The following RANBP2 variants were observed in gnomAD, a reference collection of about 807,000 sequenced individuals.
RANBP2 encodes the protein E3 SUMO-protein ligase RanBP2.
RANBP2 carries 57 observed loss-of-function variants against 303.6 expected under a neutral mutation model. The observed-to-expected ratio is 0.19, with a 90% CI of 0.15 to 0.23. The LOEUF (loss-of-function observed/expected upper bound fraction) is 0.23, where lower values mean the gene tolerates loss of function less well. Ranked by LOEUF, RANBP2 falls within the 10% of genes least tolerant of loss-of-function variation. RANBP2 has a pLI of 1.00. For synonymous variants in RANBP2, 1,167 were observed against 1,301.5 expected (o/e 0.90, Z 2.23); for missense variants, 3,138 against 3,780.8 (o/e 0.83, Z 4.46).
the RANBP2 span, among the ~76,000 whole-genome samples, chr2:109,318,055 T>A: frequency 6.7e-6 from 1 of 149,156 alleles, no homozygotes; most frequent in Non-Finnish European, 1.5e-5. Flanking sequence ...TGATCCTTTC[T>A]CTCCTCTGTT....
the RANBP2 span, among the ~76,000 whole-genome samples, chr2:108,967,993 C>T: frequency 3.3e-5 from 5 of 152,142 alleles, no homozygotes; most frequent in Non-Finnish European, 7.3e-5. Context: ...CAGAACAGGA[C>T]GCGTGGAGAG....
At chr2:108,786,707 C>A (rs981043892), downstream of RANBP2, 2 of 984,160 alleles carry the variant, frequency 2.0e-6, no homozygotes, top group Admixed American at 4.3e-5. Context: ...CTTTCCCTGC[C>A]GCCGTGCGTG....
the RANBP2 span, among the ~76,000 whole-genome samples, chr2:108,879,046 T>G: frequency 6.6e-6 from 1 of 152,190 alleles, no homozygotes; most frequent in South Asian, 2.1e-4. Flanking sequence ...TAAATAAATT[T>G]GAAAATCTGA....
the RANBP2 span, among the ~76,000 whole-genome samples, chr2:108,970,515 G>A: frequency 6.6e-6 from 1 of 152,076 alleles, no homozygotes; most frequent in Admixed American, 6.5e-5. Flanking sequence ...CTGGGAGCTG[G>A]GGCCTCTGGA....
chr2:109,508,348 C>T, the RANBP2 span, among the ~76,000 whole-genome samples: 3 of 152,074 alleles, frequency 2.0e-5, no homozygotes, highest in African/African-American at 4.8e-5. Context: ...AGAAGATACA[C>T]GTAGAGCTAT....
chr2:109,345,248 G>C, the RANBP2 span, among the ~76,000 whole-genome samples: 1 of 152,226 alleles, frequency 6.6e-6, no homozygotes, highest in Non-Finnish European at 1.5e-5. Context: ...GTGTCTTCAG[G>C]TGGCCTTTAT....
At chr2:109,286,339 T>C in the RANBP2 span, among the ~76,000 whole-genome samples, 1 of 152,220 alleles carries the variant, frequency 6.6e-6, no homozygotes, top group Admixed American at 6.5e-5. Context: ...GAAGGTGTGC[T>C]GCCCACGCAG....
At chr2:108,881,657 G>A in the RANBP2 span, among the ~76,000 whole-genome samples, 1 of 152,124 alleles carries the variant, frequency 6.6e-6, no homozygotes, top group Non-Finnish European at 1.5e-5. Flanking sequence ...ACACTTAGAG[G>A]GCATTTTAAG....
the RANBP2 span, among the ~76,000 whole-genome samples, chr2:109,421,062 C>T: frequency 6.6e-6 from 1 of 152,204 alleles, no homozygotes; most frequent in African/African-American, 2.4e-5. Flanking sequence ...TGCCATGCTC[C>T]TAGCTCAGTT....
chr2:109,066,427 G>T, the RANBP2 span, among the ~76,000 whole-genome samples: 77 of 152,158 alleles, frequency 5.1e-4, no homozygotes, highest in African/African-American at 1.8e-3. Context: ...TTTTATAAAG[G>T]CATGCCCTCT....
chr2:109,678,992 C>T, the RANBP2 span, among the ~76,000 whole-genome samples: 137 of 152,310 alleles, frequency 9.0e-4, no homozygotes, highest in South Asian at 4.1e-3. Flanking sequence ...GTAGCTGTGT[C>T]CTATAAAGGC....
the RANBP2 span, among the ~76,000 whole-genome samples, chr2:109,151,930 A>T: frequency 6.6e-6 from 1 of 152,274 alleles, no homozygotes; most frequent in African/African-American, 2.4e-5. Context: ...ATATAATAAC[A>T]GCCTGGAGGG....
chr2:109,221,313 T>G, the RANBP2 span, among the ~76,000 whole-genome samples: 1 of 151,210 alleles, frequency 6.6e-6, no homozygotes, highest in African/African-American at 2.4e-5. Flanking sequence ...CTGGGCCAGG[T>G]GACTCACGGC....
At chr2:109,129,615 C>A in the RANBP2 span, 2 of 1,485,546 alleles carry the variant, frequency 1.3e-6, no homozygotes, top group Non-Finnish European at 1.8e-6. Context: ...GCGACGAGGA[C>A]AGGCCAGGCG....
the RANBP2 span, among the ~76,000 whole-genome samples, chr2:108,795,586 A>G: frequency 6.6e-6 from 1 of 152,242 alleles, no homozygotes; most frequent in Non-Finnish European, 1.5e-5. Flanking sequence ...ATTTCTTTAA[A>G]ACCAGTATTT....
the RANBP2 span, among the ~76,000 whole-genome samples, chr2:109,248,272 T>G: frequency 2.0e-5 from 3 of 152,256 alleles, no homozygotes; most frequent in African/African-American, 7.2e-5. Flanking sequence ...AATCTTTTTC[T>G]TTTCTGATGT....
the RANBP2 span, among the ~76,000 whole-genome samples, chr2:109,686,320 T>C: frequency 6.6e-6 from 1 of 151,738 alleles, no homozygotes; most frequent in Admixed American, 6.6e-5. Flanking sequence ...GTTTTAGTAC[T>C]TTTTTTTTCT....
the RANBP2 span, among the ~76,000 whole-genome samples, chr2:108,984,443 C>T: frequency 6.6e-6 from 1 of 152,080 alleles, no homozygotes; most frequent in African/African-American, 2.4e-5. Flanking sequence ...TGCCACGGCC[C>T]GCTCAGGCTC....
At chr2:109,524,906 C>A in the RANBP2 span, among the ~76,000 whole-genome samples, 2 of 151,976 alleles carry the variant, frequency 1.3e-5, no homozygotes, top group East Asian at 3.8e-4. Context: ...ACATGGAATT[C>A]CCAAGCCCTG....
Sources: allele counts gnomAD v4.1 joint callset (sites outside exome capture counted in the v4.1 genomes callset), GRCh38; gene constraint gnomAD v4.1.1; transcripts MANE v1.5; gene names NCBI Gene and HGNC (gene_info 2026-07-23, HGNC 2026-07-21).